Variants in KCNS3 observed in about 807,000 individuals in gnomAD.
The protein encoded by KCNS3 is potassium voltage-gated channel modifier subfamily S member 3, also known as delayed-rectifier potassium channel regulatory subunit KCNS3.
A neutral mutation model predicts 31.0 loss-of-function variants in KCNS3; 13 were observed. That is an observed-to-expected ratio of 0.42 (90% CI 0.27 to 0.67). KCNS3 has a LOEUF of 0.67. KCNS3 is among the 30% of genes least tolerant of loss of function. KCNS3 has a pLI of 0.25. For synonymous variants in KCNS3, 238 were observed against 241.5 expected, an observed-to-expected ratio of 0.99 and a Z score of 0.13; for missense variants, 545 against 622.4, an observed-to-expected ratio of 0.88 and a Z score of 1.32.
chr2:17,903,604 C>T (rs940640803), intron 1 of KCNS3, among the ~76,000 whole-genome samples: 7 of 151,780 alleles, frequency 4.6e-5, no homozygotes, highest in African/African-American at 1.7e-4. Flanking sequence ...CTTTCCTTCC[C>T]CCTTCCCCCC....
At chr2:17,924,059 A>T (rs1662780960) in intron 2 of KCNS3, among the ~76,000 whole-genome samples, 2 of 151,666 alleles carry the variant, frequency 1.3e-5, no homozygotes, top group Admixed American at 6.6e-5. Context: ...TGTAGTTTTC[A>T]TTTTACAGGT....
At chr2:17,927,620 G>A (rs1662867599) in intron 2 of KCNS3, among the ~76,000 whole-genome samples, 2 of 152,154 alleles carry the variant, frequency 1.3e-5, no homozygotes, top group South Asian at 2.1e-4. Context: ...GATGAGCAAA[G>A]GGGGAAGAGC....
rs966906519 is a variant in KCNS3, at chr2:17,932,064, C to T, written c.1056C>T (p.Ser352=). 3 of 1,614,132 alleles carry T rather than the reference C, an allele frequency of 1.9e-6. No homozygotes were observed. Among genetic ancestry groups the T allele is most frequent in the Non-Finnish European group, 2.5e-6 (3 of 1,180,016 alleles). ...CCGTGGAGAAAGATGACCACACATC[C>T]AGCCTCACCAGCATCCCCATCTGCT... is the stretch of plus-strand genomic sequence containing the variant. The part of the protein sequence containing the change: ...IYSVEKDDHT[S]SLTSIPICWW... Residue 352 remains serine, a synonymous_variant, in exon 3 of 3, where the codon TCC becomes TCT. Transcript: ENST00000304101.
At chr2:17,922,211 C>A (rs545335452) in intron 2 of KCNS3, among the ~76,000 whole-genome samples, 2 of 151,540 alleles carry the variant, frequency 1.3e-5, no homozygotes, top group East Asian at 1.9e-4. Context: ...TATTGTAACT[C>A]TGATCTCTGT....
chr2:17,907,620 G>T (rs1333091734), intron 1 of KCNS3, among the ~76,000 whole-genome samples: 1 of 152,114 alleles, frequency 6.6e-6, no homozygotes, highest in Non-Finnish European at 1.5e-5. Flanking sequence ...TCCATGTTTA[G>T]TGCTTCCTTC....
At chr2:17,910,941 C>T (rs1357460369) in intron 1 of KCNS3, among the ~76,000 whole-genome samples, 1 of 152,178 alleles carries the variant, frequency 6.6e-6, no homozygotes, top group Non-Finnish European at 1.5e-5. Flanking sequence ...CCATTTTCTG[C>T]TCTCTGTCCA....
intron 1 of KCNS3, among the ~76,000 whole-genome samples, chr2:17,901,151 G>A (rs184275834): frequency 2.0e-5 from 3 of 152,302 alleles, no homozygotes; most frequent in Non-Finnish European, 4.4e-5. Flanking sequence ...TAAGTATGGT[G>A]AGTAGGGTAT....
At chr2:17,906,293 G>A (rs1374690018) in intron 1 of KCNS3, among the ~76,000 whole-genome samples, 2 of 152,288 alleles carry the variant, frequency 1.3e-5, no homozygotes, top group South Asian at 2.1e-4. Context: ...ATTTCTGTGG[G>A]ATCGGTGGTG....
intron 1 of KCNS3, among the ~76,000 whole-genome samples, chr2:17,899,436 A>G (rs377591238): frequency 3.4e-5 from 5 of 145,462 alleles, no homozygotes; most frequent in Non-Finnish European, 6.0e-5. Flanking sequence ...CTATCTATCT[A>G]TCATCTATTT....
chr2:17,929,560 A>C (rs931791022), intron 2 of KCNS3, among the ~76,000 whole-genome samples: 4 of 152,176 alleles, frequency 2.6e-5, no homozygotes, highest in African/African-American at 9.7e-5. Context: ...TCACAATTCA[A>C]CATGAGATTT....
In KCNS3 at chr2:17,878,758, A is replaced by C. The variant is rs1160381140; in HGVS notation, c.-300A>C. 3 of 151,856 alleles carry C rather than the reference A, an allele frequency of 2.0e-5. No individual in the cohort carries two copies. Among genetic ancestry groups the C allele is most frequent in the Admixed American group, 6.5e-5 (1 of 15,274 alleles). The allele number at this position is 151,856 out of a possible 1,614,324, so 9.4% of individuals were successfully genotyped here. ...GAGGCCTGATCCCTGCAGCGCGGGC[A>C]GGCGGCGTCGCAGAGCGGAGCTAGC... On this transcript the variant is annotated 5_prime_UTR_variant, in exon 1 of 3. Coordinates refer to ENST00000304101, the MANE Select transcript of KCNS3 (RefSeq NM_002252.5).
chr2:17,914,678 A>G lies in KCNS3; in HGVS notation c.-251-3002A>G, dbSNP rs538652215. ...CCTGTGACAGCGATAATTAATATGA[A>G]GATTGATATTAGGACACTGTCCCTA... is the stretch of plus-strand genomic sequence containing the variant. On this transcript the variant is annotated intron_variant, in intron 1 of 2. Coordinates refer to ENST00000304101, the MANE Select transcript of KCNS3 (RefSeq NM_002252.5). Among the ~76,000 whole-genome samples, 3 of 152,334 alleles carry G rather than the reference A, an allele frequency of 2.0e-5. No individual in the cohort carries two copies. In the South Asian group the frequency reaches 6.2e-4, roughly 32 times the overall value.
intron 1 of KCNS3, among the ~76,000 whole-genome samples, chr2:17,884,275 A>G (rs1355115159): frequency 1.5e-5 from 1 of 64,724 alleles, no homozygotes; most frequent in African/African-American, 4.7e-5. Flanking sequence ...AAAAATATAT[A>G]TATATATATA....
At position 17,889,951 on chromosome 2, in the gene KCNS3, G is replaced by A. The variant is rs558832400; in HGVS notation, c.-252+11145G>A. On this transcript the variant is annotated intron_variant, in intron 1 of 2. Coordinates refer to ENST00000304101, the MANE Select transcript of KCNS3 (RefSeq NM_002252.5). ...GATCCTTGCTTCATAGAATGAATTAGGGAGGATTCCTTCTTTCTCTATCTT... is the reference window on the plus strand; with the variant it reads ...GATCCTTGCTTCATAGAATGAATTAAGGAGGATTCCTTCTTTCTCTATCTT... Among the ~76,000 whole-genome samples, 4 of 152,264 alleles carry A rather than the reference G, an allele frequency of 2.6e-5. No individual in the cohort carries two copies. In the South Asian group the frequency reaches 6.2e-4, roughly 24 times the overall value.
intron 1 of KCNS3, among the ~76,000 whole-genome samples, chr2:17,896,431 T>G (rs900668126): frequency 2.6e-5 from 4 of 152,090 alleles, no homozygotes; most frequent in Admixed American, 2.6e-4. Flanking sequence ...CAAAATGATG[T>G]CACTGGCTTA....
chr2:17,932,154 G>A lies in KCNS3; in HGVS notation c.1146G>A (p.Ala382=), dbSNP rs773202985. 40 of 1,613,916 alleles carry A rather than the reference G, an allele frequency of 2.5e-5. No individual in the cohort carries two copies. The highest frequency in any genetic ancestry group is 8.9e-5 in the East Asian group (4 of 44,886). ...GAGACACCCACCCGGTCACCTTGGC[G>A]GGAAAGCTCATCGCCAGCACATGCA... is the stretch of plus-strand genomic sequence containing the variant. ...GYGDTHPVTL[A]GKLIASTCII... is the part of the protein sequence containing the mutation. The change falls in exon 3 of 3, where the codon GCG becomes GCA. Residue 382 remains alanine, a synonymous_variant. Transcript: ENST00000304101.
At chr2:17,927,414 G>A (rs1163449335) in intron 2 of KCNS3, among the ~76,000 whole-genome samples, 1 of 152,084 alleles carries the variant, frequency 6.6e-6, no homozygotes, top group African/African-American at 2.4e-5. Context: ...CTTTATAGCA[G>A]TACCCCACTC....
Position 17,932,591 on chromosome 2 carries a change from CT to C in KCNS3, c.*110del. The C allele has an allele frequency of 8.3e-7, 1 of 1,206,056 alleles. No homozygotes were observed. Among genetic ancestry groups the C allele is most frequent in the Non-Finnish European group, 1.2e-6 (1 of 863,788 alleles). The allele number at this position is 1,206,056 out of a possible 1,614,324, so 74.7% of individuals were successfully genotyped here. A position where few individuals can be genotyped will look rare whatever the true frequency, so the allele number is the denominator to read the frequency against. On this transcript the variant is annotated 3_prime_UTR_variant, in exon 3 of 3. Transcript: ENST00000304101. ...AAATCATTTAATTCTCAGGGTGTAC[CT>C]TTCAGCCATAGTTGGACATTCATTG... is the stretch of plus-strand genomic sequence containing the variant.
chr2:17,915,320 C>T (rs1026487479), intron 1 of KCNS3, among the ~76,000 whole-genome samples: 8 of 152,102 alleles, frequency 5.3e-5, no homozygotes, highest in Non-Finnish European at 1.0e-4. Flanking sequence ...CAACACTGAT[C>T]GGGCTGGTAG....
Sources: gnomAD v4.1 joint callset for allele counts (sites outside exome capture counted in the v4.1 genomes callset) on GRCh38, gnomAD v4.1.1 for gene constraint, MANE v1.5 for transcripts, NCBI Gene and HGNC (gene_info 2026-07-23, HGNC 2026-07-21) for gene names.